The following ART3 variants were observed in gnomAD, a reference collection of about 807,000 sequenced individuals.
ART3 encodes ADP-ribosyltransferase 3 (inactive).
Under a neutral mutation model 48.5 loss-of-function variants are expected in ART3, and 49 were observed. That is an observed-to-expected ratio of 1.01 (90% CI 0.80 to 1.28). ART3 has a LOEUF of 1.28. Among genes scored for constraint, ART3 ranks in the 50% most tolerant of loss-of-function variants. The pLI, the probability that ART3 is intolerant of heterozygous loss-of-function variation, is 0.00. For synonymous variants in ART3, 145 were observed against 157.2 expected (o/e 0.92, Z 0.58); for missense variants, 438 against 454.3 (o/e 0.96, Z 0.33).
chr4:76,090,081 A>AAAAT (rs372092142), intron 3 of ART3, among the ~76,000 whole-genome samples: 3 of 152,308 alleles, frequency 2.0e-5, no homozygotes, highest in South Asian at 2.1e-4. Flanking sequence ...ACTCCATCTT[A>AAAAT]AAATAAATAA....
chr4:76,084,028 C>T (rs1379338579), intron 3 of ART3, among the ~76,000 whole-genome samples: 2 of 152,058 alleles, frequency 1.3e-5, no homozygotes, highest in Non-Finnish European at 2.9e-5. Context: ...CTCTTTTACC[C>T]CAGGGTTATT....
chr4:76,031,869 G>T (rs1444700809), intron 1 of ART3, among the ~76,000 whole-genome samples: 1 of 152,126 alleles, frequency 6.6e-6, no homozygotes, highest in Non-Finnish European at 1.5e-5. Context: ...TAAGTAGTAT[G>T]ATGGAAAAAT....
chr4:76,098,441 C>T (rs1726510798), intron 4 of ART3, among the ~76,000 whole-genome samples: 1 of 152,048 alleles, frequency 6.6e-6, no homozygotes, highest in Non-Finnish European at 1.5e-5. Flanking sequence ...AGTTCAAAAG[C>T]AAGGTTCTGT....
In ART3 at chr4:76,048,598, C is replaced by G. The variant is rs1366018390; in HGVS notation, c.-9-27283C>G. On this transcript the variant is annotated intron_variant, in intron 1 of 9. Coordinates refer to the ART3 transcript ENST00000341029. ...GCGCTCACCGATGCAGCAGCAGAAA[C>G]AACCCCTGCCCAAGAACCCGCAACA... Among the ~76,000 whole-genome samples, 2 of 151,936 alleles carry G rather than the reference C, an allele frequency of 1.3e-5. 1 individual carries two copies. Among genetic ancestry groups the G allele is most frequent in the Non-Finnish European group, 2.9e-5 (2 of 67,916 alleles).
intron 3 of ART3, among the ~76,000 whole-genome samples, chr4:76,087,571 A>C (rs192628158): frequency 6.6e-6 from 1 of 152,338 alleles, no homozygotes; most frequent in Admixed American, 6.5e-5. Context: ...AGGGGTAAAA[A>C]AAATTTTTAC....
intron 1 of ART3, among the ~76,000 whole-genome samples, chr4:76,039,480 GT>G (rs1471310655): frequency 3.3e-5 from 5 of 152,162 alleles, no homozygotes; most frequent in African/African-American, 1.2e-4. Flanking sequence ...GTTTTCAGCT[GT>G]TTTTCAGCAT....
chr4:76,108,569 C>A (rs201067078), intron 11 of ART3, among the ~76,000 whole-genome samples: 15 of 113,972 alleles, frequency 1.3e-4, no homozygotes, highest in South Asian at 4.5e-4. Flanking sequence ...AAAAAAAAAA[C>A]AAAAAACTCT....
intron 1 of ART3, among the ~76,000 whole-genome samples, chr4:76,069,421 T>TCTC (rs1720092576): frequency 7.3e-6 from 1 of 136,666 alleles, no homozygotes; most frequent in African/African-American, 2.9e-5. Flanking sequence ...ACACAGTCTG[T>TCTC]CTCTATCACC....
intron 1 of ART3, among the ~76,000 whole-genome samples, chr4:76,032,290 T>C (rs1417746806): frequency 3.3e-5 from 5 of 151,450 alleles, no homozygotes; most frequent in African/African-American, 1.2e-4. Context: ...GACTGCAGCC[T>C]CAACCTCCCA....
chr4:76,057,401 G>C (rs1718795706), intron 1 of ART3, among the ~76,000 whole-genome samples: 2 of 152,124 alleles, frequency 1.3e-5, no homozygotes, highest in Non-Finnish European at 2.9e-5. Context: ...CTCATTTCCT[G>C]TTCTAGATAA....
intron 3 of ART3, among the ~76,000 whole-genome samples, chr4:76,090,937 TA>T (rs1398716750): frequency 3.3e-5 from 5 of 152,204 alleles, no homozygotes; most frequent in African/African-American, 1.2e-4. Flanking sequence ...CCCAGGCATC[TA>T]CTAATGTACT....
chr4:76,036,272 AG>A (rs2149410034), intron 1 of ART3: 1 of 370,164 alleles, frequency 2.7e-6, no homozygotes, highest in Non-Finnish European at 4.8e-6. Context: ...GTGAAAACCC[AG>A]ATGGTAACCA....
intron 2 of ART3, among the ~76,000 whole-genome samples, chr4:76,078,100 A>G (rs898663253): frequency 6.7e-6 from 1 of 148,280 alleles, no homozygotes; most frequent in African/African-American, 2.5e-5. Flanking sequence ...CGGTGGTTAT[A>G]TCAGAGAAAT....
chr4:76,024,127 T>C (rs1453693271), intron 1 of ART3, among the ~76,000 whole-genome samples: 5 of 152,196 alleles, frequency 3.3e-5, no homozygotes, highest in Non-Finnish European at 7.3e-5. Flanking sequence ...ACATTGCTCA[T>C]TTGGGTATCT....
At chr4:76,079,486 G>A (rs888285382) in intron 2 of ART3, among the ~76,000 whole-genome samples, 4 of 152,196 alleles carry the variant, frequency 2.6e-5, no homozygotes, top group African/African-American at 4.8e-5. Flanking sequence ...ATATAGGACT[G>A]GCACTTACAG....
In ART3 at chr4:76,040,437, TACACAC is replaced by T. The variant is rs748020159; in HGVS notation, c.-10+29155_-10+29160del. Among the ~76,000 whole-genome samples the T allele has an allele frequency of 4.3e-3, 377 of 88,480 alleles. 1 individual carries two copies. The highest frequency in any genetic ancestry group is 0.011 in the Middle Eastern group (2 of 178). 58.0% of individuals were successfully genotyped at this position (88,480 alleles called of 152,430 possible). On this transcript the variant is annotated intron_variant, in intron 1 of 9. Transcript: ENST00000341029. The stretch of plus-strand genomic sequence containing the variant: ...TGGATGGATACGCACATACACTGGA[TACACAC>T]ACACACACACACACACACACACACA...
intron 1 of ART3, among the ~76,000 whole-genome samples, chr4:76,067,734 T>G (rs1009890678): frequency 6.6e-6 from 1 of 152,228 alleles, no homozygotes; most frequent in African/African-American, 2.4e-5. Flanking sequence ...CAATTAAAAT[T>G]TAGTCACTTC....
chr4:76,035,969 C>A, intron 1 of ART3: 1 of 1,613,954 alleles, frequency 6.2e-7, no homozygotes, highest in Non-Finnish European at 8.5e-7. Context: ...AAGGCTATAG[C>A]CATGCCCTTC....
At chr4:76,076,077 T>C in intron 2 of ART3, 119 bp downstream of exon 2, 1 of 831,616 alleles carries the variant, frequency 1.2e-6, no homozygotes, top group Non-Finnish European at 1.9e-6. Context: ...CGATTTCGGC[T>C]CACTGCAAGC....
Sources: allele counts gnomAD v4.1 joint callset (sites outside exome capture counted in the v4.1 genomes callset), GRCh38; gene constraint gnomAD v4.1.1; transcripts MANE v1.5; gene names NCBI Gene and HGNC (gene_info 2026-07-23, HGNC 2026-07-21).